Variants in COPG2 observed in about 807,000 individuals in gnomAD.
The protein encoded by COPG2 is coat protein complex I subunit gamma 2.
In COPG2, 37 loss-of-function variants were observed where a neutral mutation model predicts 46.3. The observed-to-expected ratio is 0.80, with a 90% CI of 0.61 to 1.05. The LOEUF (loss-of-function observed/expected upper bound fraction) is 1.05, where lower values mean the gene tolerates loss of function less well. COPG2 is among the 50% of genes least tolerant of loss of function. The pLI, the probability that COPG2 is intolerant of heterozygous loss-of-function variation, is 0.00. For synonymous variants in COPG2, 159 were observed against 129.7 expected (o/e 1.23, Z -1.53); for missense variants, 427 against 387.8 (o/e 1.10, Z -0.85).
intron 5 of COPG2, among the ~76,000 whole-genome samples, chr7:130,627,800 T>G (rs1413247585): frequency 1.4e-4 from 19 of 135,068 alleles, no homozygotes; most frequent in East Asian, 2.4e-4. Context: ...GGGGGCGGGG[T>G]GCGGTTCAGG....
chr7:130,558,892 C>CA (rs1384413934), intron 12 of COPG2, among the ~76,000 whole-genome samples: 2 of 152,026 alleles, frequency 1.3e-5, no homozygotes, highest in African/African-American at 4.8e-5. Flanking sequence ...CTGTTTATAG[C>CA]ATATATAATA....
Position 130,666,874 on chromosome 7 carries a change from G to T in COPG2, c.146C>A (p.Thr49Lys). 1.9e-6 allele frequency: 3 copies of T among 1,545,342 alleles called. No homozygotes were observed. Among genetic ancestry groups the T allele is most frequent in the Non-Finnish European group, 2.7e-6 (3 of 1,127,022 alleles). ...INPRRCLHIL[T>K]KILYLLNQGE... The stretch of plus-strand genomic sequence containing the variant: ...CTGGTTCAGTAAGTAAAGAATCTTT[G>T]TAAGAATATGCAAACATCTTCTTGG... The change falls in exon 3 of 24, where the codon ACA becomes AAA. Residue 49 changes from threonine to lysine, a missense_variant. Transcript: ENST00000425248.
chr7:130,591,936 A>G (rs1554449048), intron 9 of COPG2, among the ~76,000 whole-genome samples: 1 of 152,194 alleles, frequency 6.6e-6, no homozygotes, highest in African/African-American at 2.4e-5. Flanking sequence ...CATGATGACA[A>G]TGGCGGTTTT....
rs1584970844 is a variant in COPG2 at position 130,551,487 on chromosome 7, T to G, written c.1545-143A>C. ...CTCAACAATAGCCAACAGTGGCTCC[T>G]AAAGTCTTCACAAATCTTGGGTACT... On this transcript the variant is annotated intron_variant, in intron 15 of 23. Transcript: ENST00000425248. 21 of 390,958 alleles carry G rather than the reference T, an allele frequency of 5.4e-5. No individual in the cohort carries two copies. The East Asian group carries it at 7.2e-4, about 13-fold the overall frequency. The allele number at this position is 390,958 out of a possible 1,614,324, so 24.2% of individuals were successfully genotyped here. A position where few individuals can be genotyped will look rare whatever the true frequency, so the allele number is the denominator to read the frequency against.
At chr7:130,525,533 C>G (rs940416973) in intron 20 of COPG2, among the ~76,000 whole-genome samples, 1 of 152,124 alleles carries the variant, frequency 6.6e-6, no homozygotes, top group African/African-American at 2.4e-5. Flanking sequence ...TAGAAAGATG[C>G]TTGCAAATAG....
chr7:130,560,376 G>C (rs1793699133), intron 12 of COPG2, among the ~76,000 whole-genome samples: 1 of 152,086 alleles, frequency 6.6e-6, no homozygotes, highest in African/African-American at 2.4e-5. Context: ...CCATATTCAT[G>C]AAATAGAAAA....
chr7:130,629,688 G>A (rs1554454869), intron 5 of COPG2, among the ~76,000 whole-genome samples: 1 of 151,436 alleles, frequency 6.6e-6, no homozygotes, highest in Non-Finnish European at 1.5e-5. Flanking sequence ...GCGCCACCAC[G>A]CCTAGCCCTT....
At chr7:130,663,225 AT>A (rs1468279709) in intron 3 of COPG2, among the ~76,000 whole-genome samples, 187 bp from the exon 4 acceptor site, 1 of 152,156 alleles carries the variant, frequency 6.6e-6, no homozygotes, top group Non-Finnish European at 1.5e-5. Context: ...ATAGCCATTT[AT>A]CCCCCCTTAT....
chr7:130,534,805 G>A (rs1799862807), intron 20 of COPG2, among the ~76,000 whole-genome samples: 1 of 152,104 alleles, frequency 6.6e-6, no homozygotes, highest in African/African-American at 2.4e-5. Flanking sequence ...CAAGCAATAT[G>A]GGCAGGGGTG....
chr7:130,616,953 T>C (rs548715604), intron 6 of COPG2, 37 bp downstream of exon 6: 13 of 1,353,360 alleles, frequency 9.6e-6, no homozygotes, highest in Admixed American at 5.4e-5. Context: ...ATAAACATAG[T>C]GTTCCATTTG....
At chr7:130,554,150 G>A (rs2116391332) in intron 14 of COPG2, among the ~76,000 whole-genome samples, 1 of 152,170 alleles carries the variant, frequency 6.6e-6, no homozygotes. Flanking sequence ...TATGCTAAGG[G>A]AAAGAAAGAT....
rs545581252 is a variant in COPG2, at chr7:130,608,718, T to A, written c.737+2235A>T. Among the ~76,000 whole-genome samples the A allele has an allele frequency of 6.8e-3, 1,035 of 152,228 alleles. 8 individuals carry two copies. Among genetic ancestry groups the A allele is most frequent in the Middle Eastern group, 0.034 (10 of 294 alleles). ...TAATGAATCTAATTTGTCTTTTTTT[T>A]AAAAAAAGGCGACTTTCAAGCTTTT... On this transcript the variant is annotated intron_variant, in intron 9 of 23. Coordinates refer to ENST00000425248, the MANE Select transcript of COPG2 (RefSeq NM_012133.6).
intron 9 of COPG2, among the ~76,000 whole-genome samples, chr7:130,596,856 C>T (rs1263333197): frequency 2.0e-5 from 3 of 152,192 alleles, no homozygotes; most frequent in South Asian, 2.1e-4. Flanking sequence ...TCTTTCAGGT[C>T]GTGCCGAGGA....
intron 5 of COPG2, among the ~76,000 whole-genome samples, chr7:130,643,124 G>A (rs1238502736): frequency 1.3e-5 from 2 of 151,558 alleles, no homozygotes; most frequent in Admixed American, 6.6e-5. Context: ...GTGAAACCCC[G>A]TCTCTACTAA....
chr7:130,611,734 TAATA>T (rs1392203312), intron 8 of COPG2, among the ~76,000 whole-genome samples: 1 of 152,224 alleles, frequency 6.6e-6, no homozygotes, highest in Non-Finnish European at 1.5e-5. Context: ...AAGAATAACC[TAATA>T]AATATCAAAA....
At chr7:130,642,467 G>A (rs1554457489) in intron 5 of COPG2, among the ~76,000 whole-genome samples, 1 of 152,112 alleles carries the variant, frequency 6.6e-6, no homozygotes, top group East Asian at 1.9e-4. Context: ...TTTGGGGGCT[G>A]TTCTTGGAGT....
At position 130,554,713 on chromosome 7, in the gene COPG2, C is replaced by T. The variant is rs1793591436; in HGVS notation, c.1236G>A (p.Glu412=). ...TACAGTCCACAATGGCCCGCTTGTA[C>T]TCAAAGCCTCCCTGGCAAAAAAGAA... ...SNMLRDDGGF[E]YKRAIVDCII... The change falls in exon 14 of 24, where the codon GAG becomes GAA. Residue 412 remains glutamate, a synonymous_variant. Transcript: ENST00000425248. 2 of 398,634 alleles carry T rather than the reference C, an allele frequency of 5.0e-6. No individual in the cohort carries two copies. Among genetic ancestry groups the T allele is most frequent in the Non-Finnish European group, 8.8e-6 (2 of 226,068 alleles). The allele number at this position is 398,634 out of a possible 1,614,324, so 24.7% of individuals were successfully genotyped here.
At chr7:130,519,528 T>TA (rs1457933789) in intron 20 of COPG2, among the ~76,000 whole-genome samples, 1 of 152,140 alleles carries the variant, frequency 6.6e-6, no homozygotes, top group Admixed American at 6.5e-5. Flanking sequence ...CACTAAATGA[T>TA]ACAGCTGAAT....
chr7:130,511,016 G>A (rs1415776862), intron 20 of COPG2: 6 of 517,516 alleles, frequency 1.2e-5, no homozygotes, highest in African/African-American at 1.9e-5. Context: ...AGGATTCACT[G>A]AAAATGAGAG....
Sources: gnomAD v4.1 joint callset for allele counts (sites outside exome capture counted in the v4.1 genomes callset) on GRCh38, gnomAD v4.1.1 for gene constraint, MANE v1.5 for transcripts, NCBI Gene and HGNC (gene_info 2026-07-23, HGNC 2026-07-21) for gene names.